Variants in HS6ST3 observed in about 807,000 individuals in gnomAD.
HS6ST3 encodes heparan-sulfate 6-O-sulfotransferase 3.
In HS6ST3, 12 loss-of-function variants were observed where a neutral mutation model predicts 36.7. That is an observed-to-expected ratio of 0.33 (90% CI 0.21 to 0.53). HS6ST3 has a LOEUF of 0.53. Ranked by LOEUF, HS6ST3 falls within the 20% of genes least tolerant of loss-of-function variation. The pLI, the probability that HS6ST3 is intolerant of heterozygous loss-of-function variation, is 0.95. For synonymous variants in HS6ST3, 240 were observed against 257.5 expected (o/e 0.93, Z 0.65); for missense variants, 584 against 640.9 (o/e 0.91, Z 0.96).
At chr13:96,719,797 A>G (rs1875798722) in intron 1 of HS6ST3, among the ~76,000 whole-genome samples, 1 of 152,116 alleles carries the variant, frequency 6.6e-6, no homozygotes, top group South Asian at 2.1e-4. Flanking sequence ...ATTGGCCTGG[A>G]GCTTCTTTGA....
At chr13:96,822,703 T>C (rs1453157196) in intron 1 of HS6ST3, among the ~76,000 whole-genome samples, 1 of 152,168 alleles carries the variant, frequency 6.6e-6, no homozygotes, top group Non-Finnish European at 1.5e-5. Flanking sequence ...TTTTGTTTGG[T>C]TTGTTTTGTA....
chr13:96,774,150 G>A (rs915642191), intron 1 of HS6ST3, among the ~76,000 whole-genome samples: 5 of 152,040 alleles, frequency 3.3e-5, no homozygotes, highest in African/African-American at 9.7e-5. Flanking sequence ...TAAAAAGGAC[G>A]TCCACACAAA....
intron 1 of HS6ST3, among the ~76,000 whole-genome samples, chr13:96,334,149 G>C (rs566264108): frequency 1.3e-5 from 2 of 152,166 alleles, no homozygotes; most frequent in African/African-American, 4.8e-5. Context: ...CTGGGTAAAG[G>C]CTGCTTACAA....
chr13:96,725,849 T>C (rs1311429066), intron 1 of HS6ST3, among the ~76,000 whole-genome samples: 1 of 152,130 alleles, frequency 6.6e-6, no homozygotes, highest in African/African-American at 2.4e-5. Context: ...TTTGTTTTTA[T>C]TTTTTTAGAC....
At chr13:96,813,201 A>C (rs1173802612) in intron 1 of HS6ST3, among the ~76,000 whole-genome samples, 1 of 152,220 alleles carries the variant, frequency 6.6e-6, no homozygotes, top group African/African-American at 2.4e-5. Context: ...AATCTGACAA[A>C]AAGGAGTAAA....
At chr13:96,736,045 C>T (rs1166595757) in intron 1 of HS6ST3, among the ~76,000 whole-genome samples, 1 of 152,016 alleles carries the variant, frequency 6.6e-6, no homozygotes, top group African/African-American at 2.4e-5. Context: ...CAGAGGGGAA[C>T]AGCACACACT....
chr13:96,387,146 A>G (rs1480993242), intron 1 of HS6ST3, among the ~76,000 whole-genome samples: 1 of 152,194 alleles, frequency 6.6e-6, no homozygotes, highest in African/African-American at 2.4e-5. Context: ...AATGAAAAGG[A>G]GCCATGATAT....
chr13:96,177,479 G>T (rs1357083702), intron 1 of HS6ST3, among the ~76,000 whole-genome samples: 1 of 152,116 alleles, frequency 6.6e-6, no homozygotes, highest in Non-Finnish European at 1.5e-5. Flanking sequence ...AGGGAACGTG[G>T]ATGAAGCTAG....
intron 1 of HS6ST3, among the ~76,000 whole-genome samples, chr13:96,461,293 G>A (rs929558551): frequency 6.6e-6 from 1 of 152,168 alleles, no homozygotes; most frequent in Non-Finnish European, 1.5e-5. Context: ...CAGTTCAGCA[G>A]AAGTGATTGA....
chr13:96,500,094 G>T (rs1390722346), intron 1 of HS6ST3, among the ~76,000 whole-genome samples: 1 of 151,958 alleles, frequency 6.6e-6, no homozygotes, highest in Admixed American at 6.6e-5. Flanking sequence ...ACTCTTCTCT[G>T]CCTCCTTCCT....
intron 1 of HS6ST3, among the ~76,000 whole-genome samples, chr13:96,514,118 C>T (rs1369954625): frequency 6.6e-6 from 1 of 151,884 alleles, no homozygotes. Flanking sequence ...TTCAAATGGT[C>T]GCTGTGGATG....
intron 1 of HS6ST3, among the ~76,000 whole-genome samples, chr13:96,714,295 A>G (rs1430629870): frequency 6.6e-6 from 1 of 152,180 alleles, no homozygotes; most frequent in Non-Finnish European, 1.5e-5. Flanking sequence ...TAACTTCTAC[A>G]TATTTATTAC....
chr13:96,243,445 T>G (rs919488098), intron 1 of HS6ST3, among the ~76,000 whole-genome samples: 1 of 152,226 alleles, frequency 6.6e-6, no homozygotes. Flanking sequence ...ATTTGTTGAA[T>G]TATTTTGACT....
intron 1 of HS6ST3, among the ~76,000 whole-genome samples, chr13:96,645,066 T>C (rs2056584159): frequency 6.6e-6 from 1 of 151,980 alleles, no homozygotes; most frequent in African/African-American, 2.4e-5. Flanking sequence ...CTAATGATTT[T>C]TTTTTAAATA....
At chr13:96,470,740 A>T (rs1196822025) in intron 1 of HS6ST3, among the ~76,000 whole-genome samples, 1 of 151,902 alleles carries the variant, frequency 6.6e-6, no homozygotes. Context: ...AATATTGGCC[A>T]TTGCCCTTTT....
intron 1 of HS6ST3, among the ~76,000 whole-genome samples, chr13:96,109,209 A>G (rs1404582731): frequency 6.6e-6 from 1 of 152,194 alleles, no homozygotes; most frequent in East Asian, 1.9e-4. Context: ...TGCCCGATAC[A>G]TGAGATTTTC....
intron 1 of HS6ST3, among the ~76,000 whole-genome samples, chr13:96,677,858 T>G (rs2056704525): frequency 6.6e-6 from 1 of 152,210 alleles, no homozygotes; most frequent in Non-Finnish European, 1.5e-5. Flanking sequence ...TTTACTTATT[T>G]ATTGTTTCAT....
At chr13:96,778,761 C>G (rs988790000) in intron 1 of HS6ST3, among the ~76,000 whole-genome samples, 3 of 152,084 alleles carry the variant, frequency 2.0e-5, no homozygotes, top group Non-Finnish European at 4.4e-5. Context: ...AGAAGTGTGG[C>G]GATTTGTCAA....
At chr13:96,513,366 C>T (rs1003776707) in intron 1 of HS6ST3, among the ~76,000 whole-genome samples, 1 of 151,928 alleles carries the variant, frequency 6.6e-6, no homozygotes, top group Admixed American at 6.6e-5. Flanking sequence ...ATTCTTTCCC[C>T]TGTTCTCTGC....
Sources: gnomAD v4.1 joint callset for allele counts (sites outside exome capture counted in the v4.1 genomes callset) on GRCh38, gnomAD v4.1.1 for gene constraint, MANE v1.5 for transcripts, NCBI Gene and HGNC (gene_info 2026-07-23, HGNC 2026-07-21) for gene names.